C8B: variants seen among roughly 807,000 people sequenced by gnomAD.
The protein encoded by C8B is complement component C8 beta chain.
In C8B, 67 loss-of-function variants were observed where a neutral mutation model predicts 64.6. The ratio of observed to expected loss-of-function variants is 1.04; its 90% confidence interval spans 0.85 to 1.27. The LOEUF (loss-of-function observed/expected upper bound fraction) is 1.27, where lower values mean the gene tolerates loss of function less well. Among genes scored for constraint, C8B ranks in the 50% most tolerant of loss-of-function variants. The pLI is 0.00. For synonymous variants in C8B, 284 were observed against 257.7 expected, an observed-to-expected ratio of 1.10 and a Z score of -0.98; for missense variants, 790 against 725.2, an observed-to-expected ratio of 1.09 and a Z score of -1.03.
At chr1:56,931,706 C>T in intron 11 of C8B, 104 bp downstream of exon 11, 1 of 745,922 alleles carries the variant, frequency 1.3e-6, no homozygotes, top group Non-Finnish European at 2.4e-6. Flanking sequence ...GGATGGATCT[C>T]AGGTTTCCTA....
At chr1:56,957,396 A>G (rs929419402) in intron 2 of C8B, among the ~76,000 whole-genome samples, 2 of 152,230 alleles carry the variant, frequency 1.3e-5, no homozygotes, top group East Asian at 1.9e-4. Flanking sequence ...CTTTGGAGCT[A>G]CAACTGATTC....
chr1:56,956,583 C>T (rs1374110082), intron 3 of C8B, among the ~76,000 whole-genome samples, 186 bp downstream of exon 3: 2 of 152,050 alleles, frequency 1.3e-5, no homozygotes, highest in African/African-American at 4.8e-5. Flanking sequence ...ATAATAACAC[C>T]TACATTATAA....
At chr1:56,944,633 G>A (rs1055813626) in intron 7 of C8B, among the ~76,000 whole-genome samples, 5 of 152,224 alleles carry the variant, frequency 3.3e-5, no homozygotes, top group African/African-American at 1.2e-4. Context: ...GAGTACATTC[G>A]TGAAACTTTG....
At chr1:56,931,948 C>G in intron 10 of C8B, 70 bp from the exon 11 acceptor site, 1 of 1,055,034 alleles carries the variant, frequency 9.5e-7, no homozygotes, top group Non-Finnish European at 1.5e-6. Context: ...GCTCAGCCCT[C>G]CAATCACTGC....
chr1:56,962,779 G>C (rs911992402), intron 1 of C8B, among the ~76,000 whole-genome samples: 4 of 152,116 alleles, frequency 2.6e-5, no homozygotes, highest in African/African-American at 9.7e-5. Context: ...CCATGAATTT[G>C]GTGTGTTTCC....
Position 56,956,810 on chromosome 1 carries a change from C to T in C8B, c.350G>A (p.Gly117Glu). 6.2e-7 allele frequency: 1 copy of T among 1,614,082 alleles called. No homozygotes were observed. The highest frequency in any genetic ancestry group is 2.2e-5 in the East Asian group (1 of 44,842). Residue 117 changes from glycine (G) to glutamate (E), a missense_variant, in exon 3 of 12, where the codon GGA becomes GAA. Transcript: ENST00000371237. ...AAAGCCTTCACATCGCACTTGACTTCCGCATGGTCTGTTGGTAACACAGTC... is the reference window on the plus strand; with the variant it reads ...AAAGCCTTCACATCGCACTTGACTTTCGCATGGTCTGTTGGTAACACAGTC... Reference protein sequence around the residue: ...VEDCVTNRPCGSQVRCEGFVC... With the variant: ...VEDCVTNRPCESQVRCEGFVC...
At chr1:56,951,385 A>G (rs1639164346) in intron 5 of C8B, among the ~76,000 whole-genome samples, 1 of 152,228 alleles carries the variant, frequency 6.6e-6, no homozygotes, top group Admixed American at 6.5e-5. Flanking sequence ...TGGCAGAGCC[A>G]GTCCTGGAAC....
At chr1:56,954,658 T>C (rs112572122) in intron 4 of C8B, 28 bp downstream of exon 4, 11 of 1,613,738 alleles carry the variant, frequency 6.8e-6, no homozygotes, top group African/African-American at 6.7e-5. Flanking sequence ...TGCCTTCCCA[T>C]CTACGCCACA....
Position 56,929,529 on chromosome 1 carries a change from A to G in C8B, c.1651T>C (p.Trp551Arg). Residue 551 changes from tryptophan (W) to arginine (R), a missense_variant, in exon 12 of 12, where the codon TGG becomes CGG. Coordinates refer to ENST00000371237, the MANE Select transcript of C8B (RefSeq NM_000066.4). ...CCAGAGCATGAAGACCAATTTGACCAGCAATTCCACTTCCCATCAATGGGG... is the reference window on the plus strand; with the variant it reads ...CCAGAGCATGAAGACCAATTTGACCGGCAATTCCACTTCCCATCAATGGGG... ...NTPIDGKWNC[W>R]SNWSSCSGRR... 6.2e-7 allele frequency: 1 copy of G among 1,613,934 alleles called. No individual in the cohort carries two copies. Among genetic ancestry groups the G allele is most frequent in the Non-Finnish European group, 8.5e-7 (1 of 1,179,872 alleles).
chr1:56,940,372 C>T (rs533304380), intron 9 of C8B, among the ~76,000 whole-genome samples: 2 of 151,510 alleles, frequency 1.3e-5, no homozygotes, highest in East Asian at 1.9e-4. Flanking sequence ...CAAGACCAAC[C>T]TGGGCAACAT....
chr1:56,960,084 G>A lies in C8B; in HGVS notation c.185C>T (p.Pro62Leu), dbSNP rs151070962. The A allele has an allele frequency of 1.9e-6, 3 of 1,613,946 alleles. No individual in the cohort carries two copies. Among genetic ancestry groups the A allele is most frequent in the African/African-American group, 2.7e-5 (2 of 74,876 alleles). Residue 62 changes from proline to leucine, a missense_variant, in exon 2 of 12, where the codon CCC becomes CTC. Transcript: ENST00000371237. ...QMRSVDVTLMPIDCELSSWSS... is the reference protein window; with the variant it reads ...QMRSVDVTLMLIDCELSSWSS... ...CCAACTAGACAGCTCACAATCAATG[G>A]GCATCAGGGTAACATCCACACTCCG...
At position 56,954,755 on chromosome 1, in the gene C8B, C is replaced by T. The variant is rs1395817319; in HGVS notation, c.464G>A (p.Cys155Tyr). 6 of 1,614,172 alleles carry T rather than the reference C, an allele frequency of 3.7e-6. No individual in the cohort carries two copies. Among genetic ancestry groups the T allele is most frequent in the East Asian group, 4.5e-5 (2 of 44,880 alleles). The stretch of plus-strand genomic sequence containing the variant: ...CTGACATTTTTTATAAATCCTTCTA[C>T]AGTTTGCTTCATCTGACTGGTCTCC... ...DCGDQSDEAN[C>Y]RRIYKKCQHE... Residue 155 changes from cysteine (C) to tyrosine (Y), a missense_variant, in exon 4 of 12, where the codon TGT (cysteine) becomes TAT (tyrosine). Physicochemically the swap from Cys to Tyr is radical, Grantham distance 194 (BLOSUM62 -2). Transcript: ENST00000371237.
At chr1:56,963,436 T>TG (rs1250540738) in intron 1 of C8B, among the ~76,000 whole-genome samples, 1 of 152,130 alleles carries the variant, frequency 6.6e-6, no homozygotes, top group Non-Finnish European at 1.5e-5. Context: ...AGCTTCTAGG[T>TG]GGCAGGTTTT....
At chr1:56,961,280 G>A (rs1645176658) in intron 1 of C8B, among the ~76,000 whole-genome samples, 1 of 152,320 alleles carries the variant, frequency 6.6e-6, no homozygotes, top group South Asian at 2.1e-4. Flanking sequence ...AAAGAGATGG[G>A]AAGACAAAAG....
At chr1:56,934,937 C>T (rs1397937416) in intron 9 of C8B, among the ~76,000 whole-genome samples, 3 of 152,152 alleles carry the variant, frequency 2.0e-5, no homozygotes, top group African/African-American at 7.2e-5. Flanking sequence ...GGGTTTGCTG[C>T]AGGAGGCAGA....
intron 1 of C8B, among the ~76,000 whole-genome samples, chr1:56,961,209 A>G (rs968046041): frequency 1.3e-5 from 2 of 152,124 alleles, no homozygotes; most frequent in African/African-American, 4.8e-5. Flanking sequence ...TTTTCTTACA[A>G]TTGAAAGGGT....
At position 56,965,868 on chromosome 1, in the gene C8B, C is replaced by T. The variant is rs550775622; in HGVS notation, c.81G>A (p.Leu27=). 1.2e-6 allele frequency: 2 copies of T among 1,614,092 alleles called. No individual in the cohort carries two copies. Among genetic ancestry groups the T allele is most frequent in the Non-Finnish European group, 1.7e-6 (2 of 1,180,002 alleles). The change falls in exon 1 of 12, where the codon TTG becomes TTA. Residue 27 remains leucine, a synonymous_variant. Transcript: ENST00000371237. ...LLCAALGCLS[L]PGSRGERPHS... ...TAACTGTCACTTACCTGGAGCCAGGCAAACTGAGACAGCCCAGGGCAGCAC... is the reference window on the plus strand; with the variant it reads ...TAACTGTCACTTACCTGGAGCCAGGTAAACTGAGACAGCCCAGGGCAGCAC...
chr1:56,943,648 G>A (rs755834355), intron 8 of C8B, 48 bp downstream of exon 8: 1 of 1,610,350 alleles, frequency 6.2e-7, no homozygotes, highest in Non-Finnish European at 8.5e-7. Context: ...AGAGGCACTA[G>A]GAGGATAAAC....
At chr1:56,952,427 C>T (rs773382863) in intron 4 of C8B, among the ~76,000 whole-genome samples, 4 of 152,176 alleles carry the variant, frequency 2.6e-5, no homozygotes, top group Non-Finnish European at 5.9e-5. Context: ...GTGGTAGGTA[C>T]TGTTCCCTGC....
Sources: gnomAD v4.1 joint callset for allele counts (sites outside exome capture counted in the v4.1 genomes callset) on GRCh38, gnomAD v4.1.1 for gene constraint, MANE v1.5 for transcripts, NCBI Gene and HGNC (gene_info 2026-07-23, HGNC 2026-07-21) for gene names.